Variants in LLPH observed in about 807,000 individuals in gnomAD.
LLPH encodes protein LLP homolog.
In LLPH, 5 loss-of-function variants were observed where a neutral mutation model predicts 13.3. The ratio of observed to expected loss-of-function variants is 0.38; its 90% CI spans 0.20 to 0.79. The LOEUF (loss-of-function observed/expected upper bound fraction) is 0.79, where lower values mean the gene tolerates loss of function less well. LLPH is among the 30% of genes least tolerant of loss of function. LLPH has a pLI of 0.45. For missense variants in LLPH, 129 were observed against 152.1 expected, an observed-to-expected ratio of 0.85 and a Z score of 0.80; for synonymous variants, 32 against 44.2, an observed-to-expected ratio of 0.72 and a Z score of 1.09.
In LLPH at chr12:66,124,118, A is replaced by ATGTTTC. The variant is rs778342493; in HGVS notation, c.212-101_212-100insGAAACA. ...GAGAACATCAGAACATTAGAACTGA[A>ATGTTTC]GGTAGACCGAAAATAGAGAAGAAAA... On this transcript the variant is annotated intron_variant, in intron 2 of 2. Transcript: ENST00000266604. The ATGTTTC allele has an allele frequency of 3.8e-4, 276 of 730,604 alleles. 1 individual carries two copies. Among genetic ancestry groups the ATGTTTC allele is most frequent in the Middle Eastern group, 2.6e-3 (9 of 3,464 alleles). The allele number at this position is 730,604 out of a possible 1,614,324, so 45.3% of individuals were successfully genotyped here. A position where few individuals can be genotyped will look rare whatever the true frequency, so the allele number is the denominator to read the frequency against.
intron 2 of LLPH, among the ~76,000 whole-genome samples, chr12:66,126,794 G>A (rs1162281936): frequency 1.3e-5 from 2 of 152,022 alleles, no homozygotes; most frequent in Non-Finnish European, 2.9e-5. Context: ...AGCTGGGCAT[G>A]GTGGCACACG....
rs201431090 is a variant in LLPH at position 66,123,847 on chromosome 12, G to A, written c.383C>T (p.Ala128Val). Residue 128 changes from alanine to valine, a missense_variant, in exon 3 of 3, where the codon GCC (alanine) becomes GTC (valine). Ala to Val is a moderately conservative substitution (Grantham distance 64, BLOSUM62 0). Coordinates refer to ENST00000266604, the MANE Select transcript of LLPH (RefSeq NM_032338.4). ...TTCCAAGGTTTTAAGAGTCTACCAG[G>A]CCAAACCCTTTGCCACTTTCACTGC... ...AKAVKVAKGL[A>V]W 7.5e-6 allele frequency: 12 copies of A among 1,610,530 alleles called. No homozygotes were observed. In the East Asian group the frequency reaches 2.0e-4, roughly 27 times the overall value.
At position 66,130,727 on chromosome 12, in the gene LLPH, T is replaced by C. The variant is rs1370034700; in HGVS notation, c.-30A>G. ...CACCTGAGAAACGAACACCCACACC[T>C]CACGCTCACGCCGACCGGAAGTCTT... On this transcript the variant is annotated 5_prime_UTR_variant, in exon 1 of 3. Transcript: ENST00000266604. 2 of 152,186 alleles carry C rather than the reference T, an allele frequency of 1.3e-5. No individual in the cohort carries two copies. The highest frequency in any genetic ancestry group is 3.8e-4 in the East Asian group (2 of 5,198). The allele number at this position is 152,186 out of a possible 1,614,324, so 9.4% of individuals were successfully genotyped here.
At chr12:66,129,207 T>G in intron 1 of LLPH, 94 bp from the exon 2 acceptor site, 2 of 792,170 alleles carry the variant, frequency 2.5e-6, no homozygotes, top group South Asian at 1.7e-5. Flanking sequence ...CAGGTATCTC[T>G]ACAAAACAAG....
chr12:66,123,763 T>A lies in LLPH; in HGVS notation c.*77A>T, dbSNP rs778913036. On this transcript the variant is annotated 3_prime_UTR_variant, in exon 3 of 3. Transcript: ENST00000266604. ...ACAAATGGTTTTCATTTGGTGGCAG[T>A]TGAAATCAAAGTATACATGTGTATA... The A allele has an allele frequency of 2.6e-5, 38 of 1,448,450 alleles. No homozygotes were observed. Among genetic ancestry groups the A allele is most frequent in the Non-Finnish European group, 3.5e-5 (38 of 1,082,908 alleles). The allele number at this position is 1,448,450 out of a possible 1,614,324, so 89.7% of individuals were successfully genotyped here.
chr12:66,129,025 T>A lies in LLPH; in HGVS notation c.82A>T (p.Arg28Trp), dbSNP rs1477809149. 6.2e-7 allele frequency: 1 copy of A among 1,611,000 alleles called. No individual in the cohort carries two copies. Among genetic ancestry groups the A allele is most frequent in the Non-Finnish European group, 8.5e-7 (1 of 1,177,308 alleles). Residue 28 changes from arginine to tryptophan, a missense_variant, in exon 2 of 3, where the codon AGG becomes TGG. Coordinates refer to ENST00000266604, the MANE Select transcript of LLPH (RefSeq NM_032338.4). ...TCTAGTTTGAGAATACTTTTAAGCC[T>A]GCTGGCCTCCTTTGGGGCATTCTTT... ...RKKNAPKEAS[R>W]LKSILKLDGD...
rs2051451076 is a variant in LLPH, at chr12:66,119,694, TGTA to T, written c.*4143_*4145del. On this transcript the variant is annotated 3_prime_UTR_variant, in exon 3 of 3. Transcript: ENST00000266604. ...AACAGCTTAGCATCTGCATTTCTAT[TGTA>T]GTATTTATAAATTTGGCAATGCCTT... The T allele has an allele frequency of 6.6e-6, 1 of 152,252 alleles. No homozygotes were observed. Among genetic ancestry groups the T allele is most frequent in the Non-Finnish European group, 1.5e-5 (1 of 68,046 alleles). The allele number at this position is 152,252 out of a possible 1,614,324, so 9.4% of individuals were successfully genotyped here.
chr12:66,129,374 C>G (rs2051519016), intron 1 of LLPH, among the ~76,000 whole-genome samples: 1 of 151,356 alleles, frequency 6.6e-6, no homozygotes, highest in Non-Finnish European at 1.5e-5. Flanking sequence ...CTGAAAGCAC[C>G]TTGCATGTCT....
At position 66,116,739 on chromosome 12, in the gene LLPH, G is replaced by A. The variant is rs1044036644; in HGVS notation, c.*7101C>T. ...TAGCATAATGCCAAGACAATTCATC[G>A]CTTTAGGATATTAAATACATTCCGC... On this transcript the variant is annotated 3_prime_UTR_variant, in exon 3 of 3. Transcript: ENST00000266604. 31 of 152,142 alleles carry A rather than the reference G, an allele frequency of 2.0e-4. No homozygotes were observed. The highest frequency in any genetic ancestry group is 7.2e-4 in the African/African-American group (30 of 41,426). 9.4% of individuals were successfully genotyped at this position (152,142 alleles called of 1,614,324 possible). A position where few individuals can be genotyped will look rare whatever the true frequency, so the allele number is the denominator to read the frequency against.
chr12:66,122,570 T>C lies in LLPH; in HGVS notation c.*1270A>G, dbSNP rs992650824. ...ATTCAGAGGGAATGCTAAGTTTAGA[T>C]TGCTTAACTAAAAGTAAAATAAAAA... On this transcript the variant is annotated 3_prime_UTR_variant, in exon 3 of 3. Transcript: ENST00000266604. The C allele has an allele frequency of 6.6e-6, 1 of 152,176 alleles. No homozygotes were observed. The highest frequency in any genetic ancestry group is 1.5e-5 in the Non-Finnish European group (1 of 68,026). 9.4% of individuals were successfully genotyped at this position (152,176 alleles called of 1,614,324 possible).
rs898279127 is a variant in LLPH at position 66,124,416 on chromosome 12, C to T, written c.212-398G>A. ...GAACTAAATTATAATGAACTGAGAA[C>T]GAACTTCTAATGAACTCGATGGAGT... On this transcript the variant is annotated intron_variant, in intron 2 of 2. Coordinates refer to ENST00000266604, the MANE Select transcript of LLPH (RefSeq NM_032338.4). 1.5e-4 allele frequency among the ~76,000 whole-genome samples: 23 copies of T among 152,148 alleles called. 1 individual carries two copies. The highest frequency in any genetic ancestry group is 1.5e-3 in the Admixed American group (23 of 15,272).
In LLPH at chr12:66,117,331, T is replaced by C. The variant is rs1213913740; in HGVS notation, c.*6509A>G. ...TAAGTAATCTAGAGATGATTTAAAGTACAGTCATGCATTGCATGATGACAT... is the reference window on the plus strand; with the variant it reads ...TAAGTAATCTAGAGATGATTTAAAGCACAGTCATGCATTGCATGATGACAT... On this transcript the variant is annotated 3_prime_UTR_variant, in exon 3 of 3. Transcript: ENST00000266604. 3 of 152,216 alleles carry C rather than the reference T, an allele frequency of 2.0e-5. No homozygotes were observed. Among genetic ancestry groups the C allele is most frequent in the Admixed American group, 6.5e-5 (1 of 15,284 alleles). 9.4% of individuals were successfully genotyped at this position (152,216 alleles called of 1,614,324 possible).
chr12:66,129,155 T>C (rs2136831837), intron 1 of LLPH, 42 bp from the exon 2 acceptor site: 2 of 1,351,476 alleles, frequency 1.5e-6, no homozygotes, highest in Non-Finnish European at 2.1e-6. Flanking sequence ...AAATCTTTAA[T>C]ATAAAAAAGA....
In LLPH at chr12:66,118,930, C is replaced by T. The variant is rs1427597083; in HGVS notation, c.*4910G>A. Reference sequence around the variant, plus strand: ...CTCTACAGTGTTTGAATCCATTTTGCTACATTCCAACCAAATGCCTGTCCA... The same window carrying T: ...CTCTACAGTGTTTGAATCCATTTTGTTACATTCCAACCAAATGCCTGTCCA... On this transcript the variant is annotated 3_prime_UTR_variant, in exon 3 of 3. Transcript: ENST00000266604. 1 of 152,178 alleles carries T rather than the reference C, an allele frequency of 6.6e-6. No individual in the cohort carries two copies. Among genetic ancestry groups the T allele is most frequent in the Non-Finnish European group, 1.5e-5 (1 of 68,034 alleles). 9.4% of individuals were successfully genotyped at this position (152,178 alleles called of 1,614,324 possible). A position where few individuals can be genotyped will look rare whatever the true frequency, so the allele number is the denominator to read the frequency against.
Position 66,123,187 on chromosome 12 carries a change from G to A in LLPH, c.*653C>T, listed in dbSNP as rs2051474755. 1 of 151,498 alleles carries A rather than the reference G, an allele frequency of 6.6e-6. No individual in the cohort carries two copies. Among genetic ancestry groups the A allele is most frequent in the Admixed American group, 6.6e-5 (1 of 15,214 alleles). 9.4% of individuals were successfully genotyped at this position (151,498 alleles called of 1,614,324 possible). On this transcript the variant is annotated 3_prime_UTR_variant, in exon 3 of 3. Transcript: ENST00000266604. ...ACTCCATTGCCCAGGGTGGAGTGCAGTGGGGCAATCTTGGCTCACTGCAAC... is the reference window on the plus strand; with the variant it reads ...ACTCCATTGCCCAGGGTGGAGTGCAATGGGGCAATCTTGGCTCACTGCAAC...
intron 2 of LLPH, among the ~76,000 whole-genome samples, chr12:66,124,255 T>C (rs2051482768): frequency 6.6e-6 from 1 of 152,244 alleles, no homozygotes; most frequent in Non-Finnish European, 1.5e-5. Flanking sequence ...TATATGGTTC[T>C]GAGCACATGT....
chr12:66,123,806 T>C lies in LLPH; in HGVS notation c.*34A>G. 4 of 1,606,904 alleles carry C rather than the reference T, an allele frequency of 2.5e-6. No homozygotes were observed. Among genetic ancestry groups the C allele is most frequent in the Non-Finnish European group, 2.5e-6 (3 of 1,177,470 alleles). Reference sequence around the variant, plus strand: ...TGTGTATACATTCTAATCCGTCATCTATCCCATGTGGCATTTTCCAAGGTT... The same window carrying C: ...TGTGTATACATTCTAATCCGTCATCCATCCCATGTGGCATTTTCCAAGGTT... On this transcript the variant is annotated 3_prime_UTR_variant, in exon 3 of 3. Transcript: ENST00000266604.
intron 1 of LLPH, among the ~76,000 whole-genome samples, chr12:66,130,140 GCTCTT>G (rs1269149474): frequency 6.6e-6 from 1 of 152,116 alleles, no homozygotes; most frequent in African/African-American, 2.4e-5. Flanking sequence ...CCTGGCAACT[GCTCTT>G]CTCAAGGCTT....
intron 2 of LLPH, among the ~76,000 whole-genome samples, chr12:66,125,537 C>G (rs1020296788): frequency 6.6e-6 from 1 of 152,160 alleles, no homozygotes; most frequent in Non-Finnish European, 1.5e-5. Flanking sequence ...GTCTCACCAC[C>G]CTTTAGCTCC....
Sources: allele counts gnomAD v4.1 joint callset (sites outside exome capture counted in the v4.1 genomes callset), GRCh38; gene constraint gnomAD v4.1.1; transcripts MANE v1.5; gene names NCBI Gene and HGNC (gene_info 2026-07-23, HGNC 2026-07-21).